CTNNA3: variants seen among roughly 807,000 people sequenced by gnomAD.
CTNNA3 encodes catenin alpha-3.
Under a neutral mutation model 95.7 loss-of-function variants are expected in CTNNA3, and 76 were observed. The ratio of observed to expected loss-of-function variants is 0.79; its 90% CI spans 0.66 to 0.96. CTNNA3 has a LOEUF of 0.96. CTNNA3 is among the 40% of genes least tolerant of loss of function. The probability of loss-of-function intolerance (pLI) is 0.00; values close to 1 mark genes in which losing one functional copy is unlikely to be tolerated. For missense variants in CTNNA3, 1,191 were observed against 1,089.8 expected, an observed-to-expected ratio of 1.09 and a Z score of -1.31; for synonymous variants, 431 against 374.4, an observed-to-expected ratio of 1.15 and a Z score of -1.74.
At chr10:67,366,127 G>A (rs1843205656) in intron 5 of CTNNA3, among the ~76,000 whole-genome samples, 1 of 152,100 alleles carries the variant, frequency 6.6e-6, no homozygotes, top group African/African-American at 2.4e-5. Flanking sequence ...AACACTTCAT[G>A]TTCTCACTCA....
At chr10:66,333,286 G>T (rs1371118804) in intron 12 of CTNNA3, among the ~76,000 whole-genome samples, 1 of 151,908 alleles carries the variant, frequency 6.6e-6, no homozygotes, top group African/African-American at 2.4e-5. Flanking sequence ...GAATGTGTTT[G>T]CTCTTGCTTC....
At chr10:66,777,923 C>A (rs2132832955) in intron 7 of CTNNA3, among the ~76,000 whole-genome samples, 1 of 152,186 alleles carries the variant, frequency 6.6e-6, no homozygotes, top group African/African-American at 2.4e-5. Context: ...TCAGCTTTCT[C>A]AGAGCTAGCA....
chr10:67,548,021 C>A (rs1840899050), intron 3 of CTNNA3, among the ~76,000 whole-genome samples: 1 of 152,198 alleles, frequency 6.6e-6, no homozygotes, highest in South Asian at 2.1e-4. Context: ...CCCGCCAAAT[C>A]TCATGTTGAA....
At chr10:67,655,692 G>A (rs549952326) in intron 1 of CTNNA3, among the ~76,000 whole-genome samples, 1 of 151,756 alleles carries the variant, frequency 6.6e-6, no homozygotes, top group East Asian at 1.9e-4. Flanking sequence ...CTACTCAGGA[G>A]GCTGAGACAG....
chr10:67,742,853 A>G (rs991543365), intron 1 of CTNNA3, among the ~76,000 whole-genome samples: 1 of 151,348 alleles, frequency 6.6e-6, no homozygotes, highest in African/African-American at 2.4e-5. Context: ...ACAAACTACC[A>G]TCAGAGAATA....
intron 9 of CTNNA3, among the ~76,000 whole-genome samples, chr10:66,667,408 A>C (rs7901226): frequency 6.6e-6 from 1 of 151,696 alleles, no homozygotes; most frequent in Non-Finnish European, 1.5e-5. Flanking sequence ...AAGAGAACAG[A>C]GCTGAGAATA....
At chr10:66,092,408 T>G (rs2081244863) in intron 14 of CTNNA3, among the ~76,000 whole-genome samples, 3 of 151,310 alleles carry the variant, frequency 2.0e-5, no homozygotes, top group Non-Finnish European at 4.4e-5. Context: ...AAAAGGCAAA[T>G]GTCTTATGAT....
At chr10:67,160,168 ATTACC>A (rs938525244) in intron 7 of CTNNA3, among the ~76,000 whole-genome samples, 3 of 152,160 alleles carry the variant, frequency 2.0e-5, no homozygotes, top group Non-Finnish European at 4.4e-5. Context: ...ACCAGGAGAT[ATTACC>A]TTACATCTGT....
intron 9 of CTNNA3, among the ~76,000 whole-genome samples, chr10:66,648,357 TAAGAGGATTAAAC>T (rs1845779682): frequency 6.6e-6 from 1 of 152,112 alleles, no homozygotes; most frequent in African/African-American, 2.4e-5. Context: ...TGAGTGTTTT[TAAGAGGATTAAAC>T]AAACATCAAA....
At chr10:66,664,284 A>G (rs1192868146) in intron 9 of CTNNA3, among the ~76,000 whole-genome samples, 1 of 152,096 alleles carries the variant, frequency 6.6e-6, no homozygotes, top group Non-Finnish European at 1.5e-5. Context: ...CACATCTCAA[A>G]TAGTTTTTTT....
chr10:66,176,077 T>A (rs2085694327), intron 13 of CTNNA3, among the ~76,000 whole-genome samples: 1 of 152,202 alleles, frequency 6.6e-6, no homozygotes, highest in African/African-American at 2.4e-5. Flanking sequence ...ATAATCATTA[T>A]AATTGTAAAG....
chr10:67,551,103 C>T (rs955886075), intron 3 of CTNNA3, among the ~76,000 whole-genome samples: 6 of 152,160 alleles, frequency 3.9e-5, no homozygotes, highest in Admixed American at 3.9e-4. Context: ...CTGTCCTGGC[C>T]TGCCACTCCC....
intron 6 of CTNNA3, among the ~76,000 whole-genome samples, chr10:67,208,465 T>C (rs1864003723): frequency 6.6e-6 from 1 of 151,572 alleles, no homozygotes; most frequent in African/African-American, 2.4e-5. Flanking sequence ...AACTAGACAG[T>C]TGAAGACTTA....
At position 67,705,837 on chromosome 10, in the gene CTNNA3, C is replaced by T. The variant is rs143760942; in HGVS notation, c.-2+57597G>A. On this transcript the variant is annotated intron_variant, in intron 1 of 17. Coordinates refer to the CTNNA3 transcript ENST00000684154. The stretch of plus-strand genomic sequence containing the variant: ...GCTACATGCTCTTCCTCTCGTATGC[C>T]CTCTCCTAGCGTAACCGACATACAG... Among the ~76,000 whole-genome samples the T allele has an allele frequency of 4.0e-3, 601 of 151,936 alleles. 18 individuals carry two copies. The Middle Eastern group carries it at 0.051, about 13-fold the overall frequency.
intron 10 of CTNNA3, among the ~76,000 whole-genome samples, chr10:66,571,263 TATC>T (rs1413904395): frequency 6.6e-6 from 1 of 152,204 alleles, no homozygotes; most frequent in Non-Finnish European, 1.5e-5. Flanking sequence ...GTAGGTGTAT[TATC>T]ATGCCTGCTA....
chr10:67,708,869 T>C (rs116024242), intron 1 of CTNNA3, among the ~76,000 whole-genome samples: 2,503 of 152,212 alleles, frequency 0.016, 72 homozygotes, highest in African/African-American at 0.057. Context: ...ACTCTCTTTA[T>C]AAAACAAATA....
intron 11 of CTNNA3, among the ~76,000 whole-genome samples, chr10:66,517,591 A>C (rs1353355366): frequency 6.6e-6 from 1 of 152,124 alleles, no homozygotes; most frequent in Non-Finnish European, 1.5e-5. Context: ...AGGCATGAAT[A>C]ATCCACCCCT....
chr10:66,344,398 C>T (rs1030403583), intron 12 of CTNNA3, among the ~76,000 whole-genome samples: 20 of 151,394 alleles, frequency 1.3e-4, no homozygotes, highest in South Asian at 4.2e-4. Flanking sequence ...TCCTGAGTAG[C>T]TGGGATTACA....
chr10:67,438,192 G>A (rs370031374), intron 5 of CTNNA3, among the ~76,000 whole-genome samples: 12 of 152,254 alleles, frequency 7.9e-5, no homozygotes, highest in African/African-American at 2.9e-4. Flanking sequence ...TGGGCATGAT[G>A]GGAATGTTCC....
Sources: allele counts gnomAD v4.1 joint callset (sites outside exome capture counted in the v4.1 genomes callset), GRCh38; gene constraint gnomAD v4.1.1; transcripts MANE v1.5; gene names NCBI Gene and HGNC (gene_info 2026-07-23, HGNC 2026-07-21).